The following ATP10B variants were observed in gnomAD, a reference collection of about 807,000 sequenced individuals.
ATP10B encodes the protein phospholipid-transporting ATPase VB.
Under a neutral mutation model 141.2 loss-of-function variants are expected in ATP10B, and 122 were observed. The observed-to-expected ratio is 0.86, with a 90% CI of 0.75 to 1.00. The LOEUF (loss-of-function observed/expected upper bound fraction) is 1.00, where lower values mean the gene tolerates loss of function less well. Among genes scored for constraint, ATP10B ranks in the 50% least tolerant of loss-of-function variants. The probability of loss-of-function intolerance (pLI) is 0.00; values close to 1 mark genes in which losing one functional copy is unlikely to be tolerated. For synonymous variants in ATP10B, 685 were observed against 692.0 expected (o/e 0.99, Z 0.16); for missense variants, 1,876 against 1,825.3 (o/e 1.03, Z -0.51).
chr5:160,659,443 C>G (rs1237621544), intron 7 of ATP10B, among the ~76,000 whole-genome samples: 1 of 152,024 alleles, frequency 6.6e-6, no homozygotes, highest in Non-Finnish European at 1.5e-5. Context: ...CCAGCCCAGG[C>G]AACAGTGCAA....
At chr5:160,760,238 G>A (rs1366727264) in intron 2 of ATP10B, among the ~76,000 whole-genome samples, 1 of 152,152 alleles carries the variant, frequency 6.6e-6, no homozygotes, top group Admixed American at 6.5e-5. Flanking sequence ...ACTTGTAATA[G>A]CAGGCTTGTA....
chr5:160,820,983 A>C (rs1774059757), intron 1 of ATP10B, among the ~76,000 whole-genome samples: 2 of 152,154 alleles, frequency 1.3e-5, no homozygotes. Context: ...ATCTGTAACA[A>C]GACAAGGATG....
the ATP10B span, among the ~76,000 whole-genome samples, chr5:160,919,245 A>AAAAAAAG: frequency 6.8e-6 from 1 of 147,552 alleles, no homozygotes; most frequent in Non-Finnish European, 1.5e-5. Context: ...AAAAAAAAAA[A>AAAAAAAG]GCAGGGAGTG....
In ATP10B at chr5:160,772,576, G is replaced by A. The variant is rs528740246; in HGVS notation, c.-331+12983C>T. On this transcript the variant is annotated intron_variant, in intron 2 of 25. Coordinates refer to ENST00000327245, the MANE Select transcript of ATP10B (RefSeq NM_025153.3). ...AAACTGTTCCACCTCAGATCGTCAGGCATTAGATTCTTGTAAGGAGCGAGC... is the reference window on the plus strand; with the variant it reads ...AAACTGTTCCACCTCAGATCGTCAGACATTAGATTCTTGTAAGGAGCGAGC... 3.3e-5 allele frequency among the ~76,000 whole-genome samples: 5 copies of A among 152,280 alleles called. No homozygotes were observed. The East Asian group carries it at 9.6e-4, about 29-fold the overall frequency.
chr5:160,602,834 C>G (rs1459037325), intron 20 of ATP10B, 132 bp from the exon 21 acceptor site: 2 of 1,246,668 alleles, frequency 1.6e-6, no homozygotes, highest in Non-Finnish European at 1.1e-6. Context: ...TGTGGTCACT[C>G]TTGGGTAGCT....
intron 1 of ATP10B, among the ~76,000 whole-genome samples, chr5:160,816,682 G>T (rs201935417): frequency 0.34 from 51,396 of 151,488 alleles, 9,655 homozygotes; most frequent in East Asian, 0.45. Context: ...TACCAAAGCC[G>T]GACAGAGACA....
chr5:160,801,696 A>T (rs191342026), intron 1 of ATP10B, among the ~76,000 whole-genome samples: 1 of 152,294 alleles, frequency 6.6e-6, no homozygotes, highest in East Asian at 1.9e-4. Flanking sequence ...ACTCAAATCA[A>T]TGCCTAGGAA....
chr5:160,741,062 C>T lies in ATP10B; in HGVS notation c.-330-24028G>A, dbSNP rs1335266025. On this transcript the variant is annotated intron_variant, in intron 2 of 25. Coordinates refer to ENST00000327245, the MANE Select transcript of ATP10B (RefSeq NM_025153.3). Reference sequence around the variant, plus strand: ...TTTAATAAGTTGCATATTTATTCTGCAAGCAATCTCTGCTGTCTCTGTTAG... The same window carrying T: ...TTTAATAAGTTGCATATTTATTCTGTAAGCAATCTCTGCTGTCTCTGTTAG... Among the ~76,000 whole-genome samples the T allele has an allele frequency of 2.6e-5, 4 of 152,296 alleles. No homozygotes were observed. In the East Asian group the frequency reaches 7.7e-4, roughly 29 times the overall value.
intron 22 of ATP10B, among the ~76,000 whole-genome samples, chr5:160,591,869 T>C (rs1756317859): frequency 6.6e-6 from 1 of 152,218 alleles, no homozygotes; most frequent in South Asian, 2.1e-4. Context: ...TGCTTGGGTT[T>C]CTGTGTTGCT....
chr5:160,717,899 C>T (rs527647092), intron 2 of ATP10B, among the ~76,000 whole-genome samples: 4 of 152,178 alleles, frequency 2.6e-5, no homozygotes, highest in Non-Finnish European at 5.9e-5. Flanking sequence ...GGTATGTACC[C>T]AAAACTAGTC....
At chr5:160,861,825 T>G in the ATP10B span, among the ~76,000 whole-genome samples, 17 of 151,976 alleles carry the variant, frequency 1.1e-4, no homozygotes, top group African/African-American at 3.6e-4. Flanking sequence ...ATTTACTGTA[T>G]TAGAAACTTA....
the ATP10B span, among the ~76,000 whole-genome samples, chr5:160,886,704 T>C: frequency 6.6e-6 from 1 of 152,164 alleles, no homozygotes; most frequent in Non-Finnish European, 1.5e-5. Flanking sequence ...TTTTCCTTCC[T>C]AGAAATCATG....
chr5:160,922,022 G>A, the ATP10B span, among the ~76,000 whole-genome samples: 1 of 152,212 alleles, frequency 6.6e-6, no homozygotes, highest in East Asian at 1.9e-4. Flanking sequence ...ACAACCCCAG[G>A]CATTTAACAG....
chr5:160,589,578 T>C lies in ATP10B; in HGVS notation c.3750+14A>G, dbSNP rs182407207. ...AGCACAGTTTTGAAGCCAAAGGGGC[T>C]CTGGGACACTTACCCATGTCTTCAT... On this transcript the variant is annotated intron_variant, in intron 24 of 25. Transcript: ENST00000327245. 495 of 1,603,222 alleles carry C rather than the reference T, an allele frequency of 3.1e-4. 7 individuals carry two copies. The East Asian group carries it at 7.0e-3, about 23-fold the overall frequency.
intron 2 of ATP10B, among the ~76,000 whole-genome samples, chr5:160,755,274 A>G (rs1031041362): frequency 5.3e-5 from 8 of 152,134 alleles, no homozygotes; most frequent in Non-Finnish European, 1.2e-4. Flanking sequence ...CTTTTACAAG[A>G]ACAGCAAGGG....
intron 7 of ATP10B, among the ~76,000 whole-genome samples, chr5:160,653,700 A>G (rs1457868924): frequency 7.9e-6 from 1 of 126,178 alleles, no homozygotes; most frequent in Non-Finnish European, 1.6e-5. Context: ...ATATATACAT[A>G]TACAATATAT....
intron 2 of ATP10B, among the ~76,000 whole-genome samples, chr5:160,767,052 A>G (rs80253132): frequency 6.8e-6 from 1 of 147,114 alleles, no homozygotes; most frequent in African/African-American, 2.5e-5. Flanking sequence ...GCCACAATGG[A>G]AAAAAAAAAG....
intron 14 of ATP10B, among the ~76,000 whole-genome samples, chr5:160,621,929 T>C (rs1222809077): frequency 6.6e-6 from 1 of 152,252 alleles, no homozygotes; most frequent in Admixed American, 6.5e-5. Context: ...GAAACCATTA[T>C]GGAATTGCAT....
intron 9 of ATP10B, among the ~76,000 whole-genome samples, 166 bp downstream of exon 9, chr5:160,643,972 A>G (rs1760078854): frequency 6.6e-6 from 1 of 152,178 alleles, no homozygotes. Flanking sequence ...AGAGTGAGTG[A>G]ACTGCTGTGA....
Sources: allele counts gnomAD v4.1 joint callset (sites outside exome capture counted in the v4.1 genomes callset), GRCh38; gene constraint gnomAD v4.1.1; transcripts MANE v1.5; gene names NCBI Gene and HGNC (gene_info 2026-07-23, HGNC 2026-07-21).